Variants in BCAT1 observed in about 807,000 individuals in gnomAD.
BCAT1 encodes the protein branched-chain-amino-acid aminotransferase, cytosolic.
In BCAT1, 48 loss-of-function variants were observed where a neutral mutation model predicts 52.4. That is an observed-to-expected ratio of 0.92 (90% confidence interval 0.73 to 1.16). The LOEUF (loss-of-function observed/expected upper bound fraction) is 1.16. BCAT1 is among the 50% of genes most tolerant of loss of function. The probability of loss-of-function intolerance (pLI) is 0.00; values close to 1 mark genes in which losing one functional copy is unlikely to be tolerated. For missense variants in BCAT1, 451 were observed against 457.1 expected (o/e 0.99, Z 0.12); for synonymous variants, 167 against 161.3 (o/e 1.04, Z -0.27).
At chr12:24,945,139 C>T (rs986609301) in intron 1 of BCAT1, among the ~76,000 whole-genome samples, 1 of 152,148 alleles carries the variant, frequency 6.6e-6, no homozygotes, top group African/African-American at 2.4e-5. Flanking sequence ...AAATTATAAG[C>T]ATAGTTGAAA....
At chr12:24,832,371 A>AT (rs34761531) in intron 9 of BCAT1, among the ~76,000 whole-genome samples, 75,240 of 151,856 alleles carry the variant, frequency 0.5, 19,115 homozygotes, top group East Asian at 0.63. Context: ...TGTCCCAGTT[A>AT]TTTTTTTTGT....
chr12:24,842,346 T>C lies in BCAT1; in HGVS notation c.675-122A>G, dbSNP rs55864935. ...GGACATAGTGAAGGTATTATGTTCT[T>C]AATATATATACACTCTCTAGTCAAC... is the stretch of plus-strand genomic sequence containing the variant. On this transcript the variant is annotated intron_variant, in intron 6 of 10. Transcript: ENST00000261192. 1.5e-3 allele frequency: 1,650 copies of C among 1,068,768 alleles called. 19 individuals are homozygous for C. The African/African-American group carries it at 0.024, about 16-fold the overall frequency. The allele number at this position is 1,068,768 out of a possible 1,614,324, so 66.2% of individuals were successfully genotyped here. A position where few individuals can be genotyped will look rare whatever the true frequency, so the allele number is the denominator to read the frequency against.
chr12:24,839,069 T>C (rs1473080000), intron 7 of BCAT1, among the ~76,000 whole-genome samples: 1 of 152,248 alleles, frequency 6.6e-6, no homozygotes. Context: ...AAAACTGACA[T>C]ATCTCCCTGC....
Position 24,922,303 on chromosome 12 carries a change from T to C in BCAT1, c.7-20418A>G, listed in dbSNP as rs563148582. Among the ~76,000 whole-genome samples the C allele has an allele frequency of 2.0e-5, 3 of 152,326 alleles. No homozygotes were observed. In the South Asian group the frequency reaches 6.2e-4, roughly 32 times the overall value. ...CCTCAGTCCCCCAAGTAGCTGGGACTACAGGCATGTGCCACCTTGCCCAGC... is the reference window on the plus strand; with the variant it reads ...CCTCAGTCCCCCAAGTAGCTGGGACCACAGGCATGTGCCACCTTGCCCAGC... On this transcript the variant is annotated intron_variant, in intron 1 of 10. Coordinates refer to ENST00000261192, the MANE Select transcript of BCAT1 (RefSeq NM_005504.7).
intron 5 of BCAT1, among the ~76,000 whole-genome samples, chr12:24,866,382 G>C (rs928823894): frequency 2.0e-5 from 3 of 151,664 alleles, no homozygotes; most frequent in African/African-American, 7.3e-5. Context: ...CCCGCCCCCC[G>C]CCACCGCTGT....
At chr12:24,889,319 A>T (rs1289767614) in intron 3 of BCAT1, among the ~76,000 whole-genome samples, 1 of 152,206 alleles carries the variant, frequency 6.6e-6, no homozygotes, top group African/African-American at 2.4e-5. Context: ...GAAATCTTAG[A>T]ACCCAATTTG....
chr12:24,853,653 T>C (rs1240354561), intron 5 of BCAT1, among the ~76,000 whole-genome samples: 1 of 152,170 alleles, frequency 6.6e-6, no homozygotes, highest in Admixed American at 6.5e-5. Flanking sequence ...GAGTATTTTA[T>C]TATATAATAT....
intron 3 of BCAT1, among the ~76,000 whole-genome samples, chr12:24,888,218 C>T (rs1168879235): frequency 6.6e-6 from 1 of 151,980 alleles, no homozygotes. Flanking sequence ...AAAAAAAAGA[C>T]AGAAAACAGG....
intron 1 of BCAT1, among the ~76,000 whole-genome samples, chr12:24,923,611 T>C (rs924697448): frequency 2.0e-4 from 30 of 152,156 alleles, no homozygotes; most frequent in Admixed American, 1.8e-3. Flanking sequence ...GGTTTTGCCA[T>C]GTTGCCCAGC....
chr12:24,836,727 C>A, intron 7 of BCAT1, 131 bp from the exon 8 acceptor site: 5 of 676,846 alleles, frequency 7.4e-6, no homozygotes, highest in Middle Eastern at 3.1e-4. Context: ...TACTGTTCTG[C>A]ATGATCAAAT....
intron 1 of BCAT1, among the ~76,000 whole-genome samples, chr12:24,935,409 C>A (rs1943738236): frequency 6.6e-6 from 1 of 152,144 alleles, no homozygotes; most frequent in African/African-American, 2.4e-5. Flanking sequence ...AAAGTCCCAA[C>A]AGAATCAACT....
At chr12:24,945,267 T>G (rs1009930794) in intron 1 of BCAT1, among the ~76,000 whole-genome samples, 1 of 152,234 alleles carries the variant, frequency 6.6e-6, no homozygotes, top group Non-Finnish European at 1.5e-5. Flanking sequence ...TGCAAAGTCA[T>G]GTTTATGAAT....
rs150185334 is a variant in BCAT1, at chr12:24,855,093, A to G, written c.511-5144T>C. 6.1e-3 allele frequency among the ~76,000 whole-genome samples: 932 copies of G among 152,296 alleles called. 14 individuals are homozygous for G. The highest frequency in any genetic ancestry group is 0.021 in the African/African-American group (891 of 41,556). On this transcript the variant is annotated intron_variant, in intron 5 of 10. Transcript: ENST00000261192. The stretch of plus-strand genomic sequence containing the variant: ...TGAGCAACTCGATAAGCAAAAAGGG[A>G]AACAGTAGCTTAAAATAATCACCAA...
At chr12:24,922,180 C>T (rs1259517044) in intron 1 of BCAT1, among the ~76,000 whole-genome samples, 1 of 152,104 alleles carries the variant, frequency 6.6e-6, no homozygotes, top group African/African-American at 2.4e-5. Flanking sequence ...TTGAGACAGA[C>T]TCTCATTACA....
intron 1 of BCAT1, among the ~76,000 whole-genome samples, chr12:24,948,439 T>C (rs1943967873): frequency 1.3e-5 from 2 of 152,186 alleles, no homozygotes; most frequent in Admixed American, 1.3e-4. Context: ...GGCCTTCTGC[T>C]TTTAACAGTG....
intron 3 of BCAT1, among the ~76,000 whole-genome samples, chr12:24,883,826 T>C (rs1942577510): frequency 2.0e-5 from 3 of 152,142 alleles, no homozygotes; most frequent in African/African-American, 7.2e-5. Flanking sequence ...CCTAGATTCC[T>C]GCAATGCACA....
intron 1 of BCAT1, among the ~76,000 whole-genome samples, chr12:24,943,782 A>G (rs1366375908): frequency 6.6e-5 from 10 of 152,026 alleles, no homozygotes; most frequent in Non-Finnish European, 1.5e-4. Context: ...CAGGAGATCA[A>G]GACCTTCCTG....
At chr12:24,897,593 A>G (rs1043681838) in intron 2 of BCAT1, among the ~76,000 whole-genome samples, 6 of 152,168 alleles carry the variant, frequency 3.9e-5, no homozygotes, top group African/African-American at 1.4e-4. Flanking sequence ...TCACTCTGTC[A>G]CCCAGGCGGA....
chr12:24,851,056 T>C lies in BCAT1; in HGVS notation c.511-1107A>G, dbSNP rs144290252. 2.3e-3 allele frequency among the ~76,000 whole-genome samples: 354 copies of C among 152,304 alleles called. 1 individual carries two copies. The highest frequency in any genetic ancestry group is 7.8e-3 in the African/African-American group (323 of 41,580). ...AGCAGTTATAAATAATTAGGGTTCATTGTTTATTAAGGAAGAAAACTGAGA... is the reference window on the plus strand; with the variant it reads ...AGCAGTTATAAATAATTAGGGTTCACTGTTTATTAAGGAAGAAAACTGAGA... On this transcript the variant is annotated intron_variant, in intron 5 of 10. Transcript: ENST00000261192.
Sources: gnomAD v4.1 joint callset for allele counts (sites outside exome capture counted in the v4.1 genomes callset) on GRCh38, gnomAD v4.1.1 for gene constraint, MANE v1.5 for transcripts, NCBI Gene and HGNC (gene_info 2026-07-23, HGNC 2026-07-21) for gene names.